The following METTL15 variants were observed in gnomAD, a reference collection of about 807,000 sequenced individuals.
METTL15 encodes the protein 12S rRNA N(4)-cytidine methyltransferase METTL15.
Under a neutral mutation model 38.3 loss-of-function variants are expected in METTL15, and 34 were observed. That is an observed-to-expected ratio of 0.89 (90% CI 0.68 to 1.18). The LOEUF (loss-of-function observed/expected upper bound fraction) is 1.18. Among genes scored for constraint, METTL15 ranks in the 50% most tolerant of loss-of-function variants. METTL15 has a pLI of 0.00. For missense variants in METTL15, 438 were observed against 498.4 expected (o/e 0.88, Z 1.15); for synonymous variants, 162 against 170.9 (o/e 0.95, Z 0.41).
chr11:28,339,159 A>G lies in METTL15; in HGVS notation c.*190-12931A>G, dbSNP rs902721891. ...AGTCCCTAAGTGCCTTTCAAAAGCTATTTAAAATCTTTTGGGGAAAAAGTT... is the reference window on the plus strand; with the variant it reads ...AGTCCCTAAGTGCCTTTCAAAAGCTGTTTAAAATCTTTTGGGGAAAAAGTT... On this transcript the variant is annotated intron_variant and NMD_transcript_variant, in intron 3 of 7. Transcript: ENST00000532947. Among the ~76,000 whole-genome samples the G allele has an allele frequency of 4.6e-5, 7 of 152,138 alleles. No individual in the cohort carries two copies. The South Asian group carries it at 8.3e-4, about 18-fold the overall frequency.
intron 6 of METTL15, among the ~76,000 whole-genome samples, chr11:28,453,990 C>T (rs1241252411): frequency 6.6e-6 from 1 of 152,196 alleles, no homozygotes; most frequent in Non-Finnish European, 1.5e-5. Flanking sequence ...AATACCTAGA[C>T]TTTTCTTCGT....
At chr11:28,207,338 A>G (rs1852393440) in intron 3 of METTL15, among the ~76,000 whole-genome samples, 1 of 152,082 alleles carries the variant, frequency 6.6e-6, no homozygotes, top group East Asian at 1.9e-4. Flanking sequence ...AATTTTGTCA[A>G]AGGCCTTTTC....
chr11:28,142,636 GT>G (rs1849739530), intron 3 of METTL15, among the ~76,000 whole-genome samples: 1 of 152,178 alleles, frequency 6.6e-6, no homozygotes, highest in African/African-American at 2.4e-5. Flanking sequence ...TTGTGGCTAA[GT>G]GTAGACAGCA....
intron 5 of METTL15, among the ~76,000 whole-genome samples, chr11:28,370,987 C>T (rs1272220503): frequency 6.6e-6 from 1 of 151,920 alleles, no homozygotes; most frequent in African/African-American, 2.4e-5. Flanking sequence ...AGTTTTTTTC[C>T]TCCCACTTTG....
chr11:28,230,513 C>G (rs1252007929), intron 4 of METTL15, among the ~76,000 whole-genome samples: 3 of 151,764 alleles, frequency 2.0e-5, no homozygotes. Context: ...AATGACTATA[C>G]CTAGAAAGAC....
rs181215413 is a variant in METTL15 at position 28,193,310 on chromosome 11, G to A, written c.271-17752G>A. Among the ~76,000 whole-genome samples the A allele has an allele frequency of 4.6e-3, 703 of 152,216 alleles. 6 individuals carry two copies. Among genetic ancestry groups the A allele is most frequent in the African/African-American group, 0.016 (654 of 41,564 alleles). On this transcript the variant is annotated intron_variant, in intron 3 of 6. Transcript: ENST00000407364. The stretch of plus-strand genomic sequence containing the variant: ...CACAGTTCTGGAGGCTATACAGGAA[G>A]CATGGCTGGGGAGAACTCAGGAAAC...
At chr11:28,503,737 G>T (rs1185650785) in intron 6 of METTL15, among the ~76,000 whole-genome samples, 1 of 151,852 alleles carries the variant, frequency 6.6e-6, no homozygotes, top group Non-Finnish European at 1.5e-5. Context: ...GATGCAGTGA[G>T]CCAAGATCGT....
At chr11:28,184,566 A>G (rs12270526) in intron 3 of METTL15, among the ~76,000 whole-genome samples, 22,432 of 151,644 alleles carry the variant, frequency 0.15, 1,833 homozygotes, top group East Asian at 0.28. Flanking sequence ...GTAGTTGTGC[A>G]GTTTTGAGTG....
chr11:28,462,324 A>G (rs1851222975), intron 6 of METTL15, among the ~76,000 whole-genome samples: 2 of 152,200 alleles, frequency 1.3e-5, no homozygotes, highest in South Asian at 4.1e-4. Flanking sequence ...TCAGCTTCTT[A>G]TGGTCCTGGA....
intron 6 of METTL15, among the ~76,000 whole-genome samples, chr11:28,325,105 T>A (rs917960936): frequency 6.6e-6 from 1 of 152,050 alleles, no homozygotes; most frequent in Non-Finnish European, 1.5e-5. Context: ...CAGCTCTGAC[T>A]CTCTCTCTCT....
chr11:28,353,017 T>C (rs1277396924), intron 4 of METTL15, among the ~76,000 whole-genome samples: 2 of 152,194 alleles, frequency 1.3e-5, no homozygotes, highest in Non-Finnish European at 2.9e-5. Context: ...AGAGAGGCTT[T>C]TAAGCAGTAA....
intron 3 of METTL15, among the ~76,000 whole-genome samples, chr11:28,198,582 G>T (rs1251150459): frequency 6.6e-6 from 1 of 152,072 alleles, no homozygotes; most frequent in African/African-American, 2.4e-5. Context: ...TTTGTTTGTT[G>T]TAAAACTTTT....
intron 3 of METTL15, among the ~76,000 whole-genome samples, chr11:28,162,627 T>C (rs1378944494): frequency 1.3e-5 from 2 of 152,140 alleles, no homozygotes; most frequent in Non-Finnish European, 2.9e-5. Flanking sequence ...TTGAATATAC[T>C]TAACCTACTG....
At chr11:28,468,637 T>C (rs1313256272) in intron 6 of METTL15, among the ~76,000 whole-genome samples, 1 of 152,150 alleles carries the variant, frequency 6.6e-6, no homozygotes, top group Non-Finnish European at 1.5e-5. Context: ...TAAGTGCCTC[T>C]AGTGTAGGTT....
At chr11:28,243,859 A>G (rs1428828333) in intron 4 of METTL15, among the ~76,000 whole-genome samples, 1 of 152,190 alleles carries the variant, frequency 6.6e-6, no homozygotes, top group African/African-American at 2.4e-5. Context: ...ATCTTTGGCC[A>G]CATAACTACT....
At chr11:28,391,528 C>G (rs1850507633) in intron 5 of METTL15, among the ~76,000 whole-genome samples, 1 of 152,136 alleles carries the variant, frequency 6.6e-6, no homozygotes, top group Admixed American at 6.6e-5. Flanking sequence ...GCCAAAAGAA[C>G]AAAGCTGGAG....
intron 3 of METTL15, among the ~76,000 whole-genome samples, chr11:28,184,472 T>G (rs141791220): frequency 3.9e-4 from 59 of 152,138 alleles, no homozygotes; most frequent in Admixed American, 2.2e-3. Context: ...TTCGTTCTCA[T>G]TGGTTTCAAA....
intron 3 of METTL15, among the ~76,000 whole-genome samples, chr11:28,181,473 G>A (rs1188448952): frequency 6.6e-6 from 1 of 151,692 alleles, no homozygotes; most frequent in African/African-American, 2.4e-5. Flanking sequence ...TGTTCTCATT[G>A]TTCAACTCCC....
chr11:28,199,277 T>C (rs553565170), intron 3 of METTL15, among the ~76,000 whole-genome samples: 2 of 152,206 alleles, frequency 1.3e-5, no homozygotes, highest in African/African-American at 4.8e-5. Context: ...ACCAACCTTC[T>C]TGATCTTACT....
Sources: gnomAD v4.1 joint callset for allele counts (sites outside exome capture counted in the v4.1 genomes callset) on GRCh38, gnomAD v4.1.1 for gene constraint, MANE v1.5 for transcripts, NCBI Gene and HGNC (gene_info 2026-07-23, HGNC 2026-07-21) for gene names.